The following SRGAP1 variants were observed in gnomAD, a reference collection of about 807,000 sequenced individuals.
The protein encoded by SRGAP1 is SLIT-ROBO Rho GTPase-activating protein 1.
A neutral mutation model predicts 121.9 loss-of-function variants in SRGAP1; 43 were observed. That is an observed-to-expected ratio of 0.35 (90% CI 0.28 to 0.46). The LOEUF (loss-of-function observed/expected upper bound fraction) is 0.46. Among genes scored for constraint, SRGAP1 ranks in the 20% least tolerant of loss-of-function variants. SRGAP1 has a pLI of 1.00. For synonymous variants in SRGAP1, 447 were observed against 485.4 expected, an observed-to-expected ratio of 0.92 and a Z score of 1.04; for missense variants, 1,102 against 1,350.9, an observed-to-expected ratio of 0.82 and a Z score of 2.89.
At chr12:63,874,323 C>G (rs527424052) in intron 1 of SRGAP1, among the ~76,000 whole-genome samples, 6 of 152,030 alleles carry the variant, frequency 3.9e-5, no homozygotes, top group Non-Finnish European at 8.8e-5. Flanking sequence ...CCTGCGTCAT[C>G]CTCCCGAGTA....
intron 3 of SRGAP1, among the ~76,000 whole-genome samples, chr12:64,014,330 G>A (rs548425040): frequency 2.0e-5 from 3 of 152,254 alleles, no homozygotes; most frequent in African/African-American, 7.2e-5. Context: ...GTGTATGTCT[G>A]GCAGACCACA....
At chr12:63,925,034 G>C (rs953864018) in intron 1 of SRGAP1, among the ~76,000 whole-genome samples, 1 of 152,136 alleles carries the variant, frequency 6.6e-6, no homozygotes. Flanking sequence ...GTACAGGAGG[G>C]GTGACTGTCA....
intron 1 of SRGAP1, among the ~76,000 whole-genome samples, chr12:63,942,745 G>A (rs2031910941): frequency 1.3e-5 from 2 of 152,014 alleles, no homozygotes; most frequent in South Asian, 4.1e-4. Flanking sequence ...TCCTACTCCT[G>A]CCTTCCATCC....
chr12:64,036,669 A>G (rs1309660116), intron 4 of SRGAP1, among the ~76,000 whole-genome samples: 1 of 152,178 alleles, frequency 6.6e-6, no homozygotes, highest in Non-Finnish European at 1.5e-5. Context: ...ACTTAGAACT[A>G]TTTGTCATCC....
At chr12:63,894,059 G>T (rs1341961793) in intron 1 of SRGAP1, among the ~76,000 whole-genome samples, 1 of 152,138 alleles carries the variant, frequency 6.6e-6, no homozygotes, top group African/African-American at 2.4e-5. Flanking sequence ...AGGCTGTCTC[G>T]AACTCCTGAC....
chr12:64,097,306 C>T lies in SRGAP1; in HGVS notation c.1744C>T (p.Leu582Phe). ...TAACTCAGTTGCTGGCGTTCTGAAG[C>T]TCTATTTCCGTGGGCTGGAAAACCC... Reference protein sequence around the residue: ...DINSVAGVLKLYFRGLENPLF... With the variant: ...DINSVAGVLKFYFRGLENPLF... Residue 582 changes from leucine to phenylalanine, a missense_variant, in exon 15 of 22, where the codon CTC (leucine) becomes TTC (phenylalanine). By Grantham distance (22) the Leu-to-Phe change is conservative. Transcript: ENST00000355086. The T allele has an allele frequency of 6.2e-7, 1 of 1,612,640 alleles. No homozygotes were observed. Among genetic ancestry groups the T allele is most frequent in the Non-Finnish European group, 8.5e-7 (1 of 1,179,698 alleles).
In SRGAP1 at chr12:63,921,864, A is replaced by G. The variant is rs183029171; in HGVS notation, c.68-62083A>G. 2.0e-5 allele frequency among the ~76,000 whole-genome samples: 3 copies of G among 152,328 alleles called. No homozygotes were observed. In the East Asian group the frequency reaches 5.8e-4, roughly 29 times the overall value. ...AGAAATACTTTTGGTTATGATAGATAAACTCTTCAAAAAAAACTTGCTGGA... is the reference window on the plus strand; with the variant it reads ...AGAAATACTTTTGGTTATGATAGATGAACTCTTCAAAAAAAACTTGCTGGA... On this transcript the variant is annotated intron_variant, in intron 1 of 21. Coordinates refer to ENST00000355086, the MANE Select transcript of SRGAP1 (RefSeq NM_020762.4).
At chr12:64,102,248 C>A (rs574219444) in intron 15 of SRGAP1, among the ~76,000 whole-genome samples, 43 of 152,306 alleles carry the variant, frequency 2.8e-4, no homozygotes, top group African/African-American at 1.0e-3. Context: ...TTTGCACCAA[C>A]CTAATGTTAT....
At chr12:63,871,081 G>A (rs1447864518) in intron 1 of SRGAP1, among the ~76,000 whole-genome samples, 1 of 152,164 alleles carries the variant, frequency 6.6e-6, no homozygotes, top group African/African-American at 2.4e-5. Context: ...GACTGATGCT[G>A]TAGGTCAAGG....
intron 19 of SRGAP1, among the ~76,000 whole-genome samples, chr12:64,126,999 C>T (rs749223389): frequency 9.2e-5 from 14 of 152,192 alleles, no homozygotes; most frequent in Admixed American, 5.2e-4. Context: ...TGTTTAGATA[C>T]GCAAATACTT....
chr12:64,049,658 C>T (rs2035200542), intron 6 of SRGAP1, among the ~76,000 whole-genome samples: 1 of 152,094 alleles, frequency 6.6e-6, no homozygotes, highest in African/African-American at 2.4e-5. Flanking sequence ...GTTCCTGGCA[C>T]TTTTGTTGAA....
chr12:63,867,873 A>G (rs1227640858), intron 1 of SRGAP1, among the ~76,000 whole-genome samples: 1 of 151,530 alleles, frequency 6.6e-6, no homozygotes, highest in South Asian at 2.1e-4. Context: ...ATGGTGCTTT[A>G]GAAAAGCAGG....
intron 12 of SRGAP1, chr12:64,091,956 CT>C: frequency 6.5e-7 from 1 of 1,527,554 alleles, no homozygotes; most frequent in Non-Finnish European, 8.8e-7. Flanking sequence ...TGAGGGTGCT[CT>C]TTCACTGTTG....
chr12:64,036,200 G>A (rs1056869012), intron 4 of SRGAP1, among the ~76,000 whole-genome samples: 5 of 152,132 alleles, frequency 3.3e-5, no homozygotes, highest in African/African-American at 1.2e-4. Flanking sequence ...GTCTCAAGCC[G>A]CCAGAGAGAC....
intron 9 of SRGAP1, among the ~76,000 whole-genome samples, 190 bp downstream of exon 9, chr12:64,079,306 GTTAT>G (rs2035794846): frequency 6.6e-6 from 1 of 152,034 alleles, no homozygotes; most frequent in South Asian, 2.1e-4. Context: ...TTAGTTAGGA[GTTAT>G]TTAGTTAGTT....
intron 14 of SRGAP1, among the ~76,000 whole-genome samples, chr12:64,096,600 T>C (rs1457218017): frequency 6.6e-6 from 1 of 152,202 alleles, no homozygotes; most frequent in Non-Finnish European, 1.5e-5. Context: ...AATAATTTTA[T>C]ATTTGTGATA....
chr12:64,033,993 C>T (rs1289115839), intron 4 of SRGAP1, among the ~76,000 whole-genome samples: 1 of 152,188 alleles, frequency 6.6e-6, no homozygotes, highest in African/African-American at 2.4e-5. Flanking sequence ...CACACCACTA[C>T]ACTCCAGCCT....
intron 2 of SRGAP1, 31 bp downstream of exon 2, chr12:63,984,173 A>G: frequency 7.7e-7 from 1 of 1,296,376 alleles, no homozygotes; most frequent in Non-Finnish European, 1.0e-6. Context: ...TCACCTTTCC[A>G]AGGGTGATAT....
intron 1 of SRGAP1, among the ~76,000 whole-genome samples, chr12:63,909,599 C>T (rs1455411638): frequency 6.6e-6 from 1 of 152,242 alleles, no homozygotes; most frequent in Non-Finnish European, 1.5e-5. Flanking sequence ...TTGTACATGG[C>T]TCTGCTGTCG....
Sources: allele counts gnomAD v4.1 joint callset (sites outside exome capture counted in the v4.1 genomes callset), GRCh38; gene constraint gnomAD v4.1.1; transcripts MANE v1.5; gene names NCBI Gene and HGNC (gene_info 2026-07-23, HGNC 2026-07-21).